Variants in UGGT2 observed in about 807,000 individuals in gnomAD.
UGGT2 encodes the protein UDP-glucose:glycoprotein glucosyltransferase 2.
Under a neutral mutation model 192.1 loss-of-function variants are expected in UGGT2, and 180 were observed. That is an observed-to-expected ratio of 0.94 (90% CI 0.83 to 1.06). UGGT2 has a LOEUF of 1.06. Ranked by LOEUF, UGGT2 falls within the 50% of genes least tolerant of loss-of-function variation. The pLI is 0.00. For synonymous variants in UGGT2, 580 were observed against 591.0 expected (o/e 0.98, Z 0.27); for missense variants, 1,849 against 1,795.7 (o/e 1.03, Z -0.54).
At chr13:95,917,348 G>A (rs1283262481) in intron 20 of UGGT2, among the ~76,000 whole-genome samples, 1 of 152,006 alleles carries the variant, frequency 6.6e-6, no homozygotes, top group African/African-American at 2.4e-5. Flanking sequence ...CATAAGTGAA[G>A]GAGAAACAAA....
intron 12 of UGGT2, among the ~76,000 whole-genome samples, chr13:95,957,422 T>C (rs2140671148): frequency 6.6e-6 from 1 of 152,316 alleles, no homozygotes; most frequent in Non-Finnish European, 1.5e-5. Flanking sequence ...GGACTGGAAT[T>C]CCTGGGGTTT....
chr13:95,900,383 G>C (rs921937978), intron 22 of UGGT2, among the ~76,000 whole-genome samples: 5 of 152,132 alleles, frequency 3.3e-5, no homozygotes, highest in South Asian at 4.2e-4. Context: ...TATACTACTT[G>C]ATACTTCAAA....
At chr13:95,848,770 T>C (rs1888724810) in intron 36 of UGGT2, among the ~76,000 whole-genome samples, 1 of 152,220 alleles carries the variant, frequency 6.6e-6, no homozygotes, top group Non-Finnish European at 1.5e-5. Flanking sequence ...TTTCCTTTTC[T>C]ATATAAACTT....
intron 12 of UGGT2, among the ~76,000 whole-genome samples, chr13:95,952,136 C>T (rs1280930429): frequency 6.6e-6 from 1 of 151,708 alleles, no homozygotes; most frequent in East Asian, 1.9e-4. Flanking sequence ...ATGTTATTCT[C>T]TTACTATGGA....
intron 37 of UGGT2, 35 bp downstream of exon 37, chr13:95,837,051 T>C: frequency 1.4e-6 from 2 of 1,432,098 alleles, no homozygotes; most frequent in Non-Finnish European, 2.0e-6. Flanking sequence ...CATTTCTGTA[T>C]CTGCTTACAT....
At chr13:96,042,428 C>G (rs547528256) in intron 1 of UGGT2, among the ~76,000 whole-genome samples, 55 of 152,206 alleles carry the variant, frequency 3.6e-4, no homozygotes, top group African/African-American at 1.3e-3. Flanking sequence ...AACCAGAAAA[C>G]CAACTCTAGT....
chr13:95,877,450 G>A, intron 28 of UGGT2, 86 bp from the exon 29 acceptor site: 1 of 1,135,552 alleles, frequency 8.8e-7, no homozygotes, highest in Non-Finnish European at 1.3e-6. Context: ...ATCTAAGAAA[G>A]TATTTATTAA....
chr13:95,984,613 A>G (rs927890931), intron 9 of UGGT2, among the ~76,000 whole-genome samples: 2 of 152,168 alleles, frequency 1.3e-5, no homozygotes, highest in African/African-American at 4.8e-5. Flanking sequence ...TATAGGTGCG[A>G]GCCATTGCAC....
chr13:96,001,595 T>C (rs757054241), intron 5 of UGGT2, among the ~76,000 whole-genome samples: 23 of 152,138 alleles, frequency 1.5e-4, no homozygotes, highest in Non-Finnish European at 2.9e-4. Context: ...CAGATGGGCA[T>C]AGCTCCCCAG....
intron 17 of UGGT2, among the ~76,000 whole-genome samples, chr13:95,935,217 G>A (rs903415038): frequency 6.6e-6 from 1 of 152,086 alleles, no homozygotes; most frequent in Non-Finnish European, 1.5e-5. Context: ...TGGTACACGA[G>A]GTTTTGATCC....
chr13:95,985,358 T>G (rs1258019234), intron 9 of UGGT2: 2 of 1,064,718 alleles, frequency 1.9e-6, no homozygotes, highest in African/African-American at 3.3e-5. Flanking sequence ...GGAAACAAAC[T>G]CCTTTATTTC....
chr13:95,877,891 T>G, intron 27 of UGGT2, 35 bp from the exon 28 acceptor site: 1 of 1,573,644 alleles, frequency 6.4e-7, no homozygotes, highest in Non-Finnish European at 8.6e-7. Flanking sequence ...TTTGGTGTTA[T>G]GTAAAACTCA....
At chr13:96,038,527 C>T (rs2053071442) in intron 1 of UGGT2, among the ~76,000 whole-genome samples, 1 of 152,164 alleles carries the variant, frequency 6.6e-6, no homozygotes, top group Non-Finnish European at 1.5e-5. Context: ...ATCCTCTACA[C>T]ATCTTTCCTG....
At chr13:95,996,575 T>C (rs1301707911) in intron 6 of UGGT2, among the ~76,000 whole-genome samples, 1 of 152,106 alleles carries the variant, frequency 6.6e-6, no homozygotes, top group Non-Finnish European at 1.5e-5. Context: ...TGGACCAGAT[T>C]AATACATATA....
chr13:95,852,755 A>G (rs577292044), intron 36 of UGGT2, among the ~76,000 whole-genome samples: 1 of 152,338 alleles, frequency 6.6e-6, no homozygotes, highest in Admixed American at 6.5e-5. Flanking sequence ...GAGGAAATTG[A>G]TAGGATATTA....
intron 38 of UGGT2, chr13:95,809,569 C>A: frequency 3.5e-6 from 1 of 284,476 alleles, no homozygotes; most frequent in Non-Finnish European, 7.1e-6. Flanking sequence ...ATGAGCTACT[C>A]CTTCGCTGTC....
chr13:95,983,503 A>C, intron 10 of UGGT2: 1 of 464,450 alleles, frequency 2.2e-6, no homozygotes, highest in Non-Finnish European at 4.2e-6. Flanking sequence ...TTTAAGCAAA[A>C]CTAATTACAA....
At chr13:95,802,429 A>T (rs954446011) in intron 38 of UGGT2, among the ~76,000 whole-genome samples, 29 of 152,332 alleles carry the variant, frequency 1.9e-4, no homozygotes, top group African/African-American at 6.3e-4. Flanking sequence ...CTGTTCCACA[A>T]TTCAAGATGG....
In UGGT2 at chr13:96,030,290, C is replaced by T. The variant is rs530399551; in HGVS notation, c.241+1599G>A. Reference sequence around the variant, plus strand: ...TGCATGACCCAATTAAAGCTCTTATCGCCTAATAGTGTACATCACTGTTTT... The same window carrying T: ...TGCATGACCCAATTAAAGCTCTTATTGCCTAATAGTGTACATCACTGTTTT... On this transcript the variant is annotated intron_variant, in intron 2 of 38. Coordinates refer to ENST00000376747, the MANE Select transcript of UGGT2 (RefSeq NM_020121.4). Among the ~76,000 whole-genome samples, 13 of 152,288 alleles carry T rather than the reference C, an allele frequency of 8.5e-5. No individual in the cohort carries two copies. The South Asian group carries it at 2.5e-3, about 29-fold the overall frequency.
Sources: gnomAD v4.1 joint callset for allele counts (sites outside exome capture counted in the v4.1 genomes callset) on GRCh38, gnomAD v4.1.1 for gene constraint, MANE v1.5 for transcripts, NCBI Gene and HGNC (gene_info 2026-07-23, HGNC 2026-07-21) for gene names.